CDC14B: variants seen among roughly 807,000 people sequenced by gnomAD.
The protein encoded by CDC14B is cell division cycle 14B, also known as dual specificity protein phosphatase CDC14B.
A neutral mutation model predicts 64.2 loss-of-function variants in CDC14B; 22 were observed. The observed-to-expected ratio is 0.34, with a 90% CI of 0.24 to 0.49. CDC14B has a LOEUF of 0.49. Ranked by LOEUF, CDC14B falls within the 20% of genes least tolerant of loss-of-function variation. The pLI, the probability that CDC14B is intolerant of heterozygous loss-of-function variation, is 0.99. For synonymous variants in CDC14B, 191 were observed against 215.8 expected (o/e 0.89, Z 1.01); for missense variants, 498 against 629.9 (o/e 0.79, Z 2.24).
chr9:96,542,281 G>T lies in CDC14B; in HGVS notation c.498-389C>A, dbSNP rs191989032. Among the ~76,000 whole-genome samples, 43 of 152,274 alleles carry T rather than the reference G, an allele frequency of 2.8e-4. No individual in the cohort carries two copies. The East Asian group carries it at 8.1e-3, about 29-fold the overall frequency. On this transcript the variant is annotated intron_variant, in intron 5 of 13. Coordinates refer to ENST00000375241, the MANE Select transcript of CDC14B (RefSeq NM_033331.4). ...AAATACCGTATGAAAATCTTACTGG[G>T]AAAGACTGCTTTTTGATCCTGTAAT...
chr9:96,524,153 G>T (rs189490671), intron 9 of CDC14B, among the ~76,000 whole-genome samples: 1 of 152,304 alleles, frequency 6.6e-6, no homozygotes, highest in Admixed American at 6.5e-5. Context: ...GGCCAAGCTG[G>T]TCTCAAACTC....
rs911428042 is a variant in CDC14B, at chr9:96,533,892, T to C, written c.946+35A>G. 3.8e-6 allele frequency: 5 copies of C among 1,317,604 alleles called. No homozygotes were observed. The African/African-American group carries it at 7.3e-5, about 19-fold the overall frequency. 81.6% of individuals were successfully genotyped at this position (1,317,604 alleles called of 1,614,324 possible). On this transcript the variant is annotated intron_variant, in intron 9 of 13. Coordinates refer to ENST00000375241, the MANE Select transcript of CDC14B (RefSeq NM_033331.4). ...TTTCTACATATTCATATACTCATAC[T>C]GTATACTATTCTTTAACCACCCCTA...
chr9:96,522,482 C>T, intron 12 of CDC14B, 24 bp downstream of exon 12: 1 of 1,509,282 alleles, frequency 6.6e-7, no homozygotes, highest in Non-Finnish European at 9.2e-7. Flanking sequence ...AAACATCAAC[C>T]ACAACAAAGG....
intron 1 of CDC14B, among the ~76,000 whole-genome samples, chr9:96,610,143 T>C (rs554759290): frequency 6.6e-6 from 1 of 152,240 alleles, no homozygotes; most frequent in Admixed American, 6.6e-5. Context: ...GTTTTTTGCT[T>C]ACTGCCCGTA....
At chr9:96,617,840 T>C (rs918735336) in intron 1 of CDC14B, among the ~76,000 whole-genome samples, 7 of 152,124 alleles carry the variant, frequency 4.6e-5, no homozygotes, top group African/African-American at 1.7e-4. Flanking sequence ...ACAGATCCTT[T>C]CAAGAGGTAT....
intron 12 of CDC14B, among the ~76,000 whole-genome samples, chr9:96,518,254 C>A (rs983618523): frequency 6.6e-6 from 1 of 152,146 alleles, no homozygotes; most frequent in East Asian, 1.9e-4. Flanking sequence ...CAGTGGCTCA[C>A]GCCTGTAATC....
At chr9:96,539,052 T>C (rs1439715911) in intron 7 of CDC14B, 26 bp downstream of exon 7, 1 of 1,518,314 alleles carries the variant, frequency 6.6e-7, no homozygotes, top group Non-Finnish European at 9.1e-7. Context: ...GAGGAAGAGT[T>C]GAAAACATGA....
chr9:96,534,437 T>C lies in CDC14B; in HGVS notation c.715+18A>G, dbSNP rs1301861427. 6.6e-7 allele frequency: 1 copy of C among 1,504,244 alleles called. No individual in the cohort carries two copies. The highest frequency in any genetic ancestry group is 9.3e-7 in the Non-Finnish European group (1 of 1,080,374). The allele number at this position is 1,504,244 out of a possible 1,614,324, so 93.2% of individuals were successfully genotyped here. On this transcript the variant is annotated intron_variant, in intron 8 of 13. Transcript: ENST00000375241. ...ATTTTCAATAACAAAATGAGATTAATGCCATAATTTCACATACCACTTTCA... is the reference window on the plus strand; with the variant it reads ...ATTTTCAATAACAAAATGAGATTAACGCCATAATTTCACATACCACTTTCA...
chr9:96,565,180 G>A (rs1051999600), intron 2 of CDC14B, among the ~76,000 whole-genome samples: 3 of 150,268 alleles, frequency 2.0e-5, no homozygotes, highest in African/African-American at 7.3e-5. Context: ...TCATTGTAGT[G>A]TAAATATTAG....
rs530501813 is a variant in CDC14B at position 96,551,665 on chromosome 9, A to C, written c.497+131T>G. 5 of 1,286,808 alleles carry C rather than the reference A, an allele frequency of 3.9e-6. No homozygotes were observed. The African/African-American group carries it at 7.5e-5, about 19-fold the overall frequency. 79.7% of individuals were successfully genotyped at this position (1,286,808 alleles called of 1,614,324 possible). A position where few individuals can be genotyped will look rare whatever the true frequency, so the allele number is the denominator to read the frequency against. ...CAACAGTGTCACTGTGGAAAAACCC[A>C]GATCTGTGGTGTTATTTGCGCTCAT... On this transcript the variant is annotated intron_variant, in intron 5 of 13. Coordinates refer to ENST00000375241, the MANE Select transcript of CDC14B (RefSeq NM_033331.4).
intron 11 of CDC14B, among the ~76,000 whole-genome samples, chr9:96,522,811 C>T (rs559289832): frequency 6.6e-6 from 1 of 151,116 alleles, no homozygotes; most frequent in South Asian, 2.1e-4. Context: ...TGTTAGAAAA[C>T]ACATCAACAG....
rs1218818738 is a variant in CDC14B at position 96,502,670 on chromosome 9, A to G, written c.*1083T>C. On this transcript the variant is annotated 3_prime_UTR_variant, in exon 14 of 14. Coordinates refer to ENST00000375241, the MANE Select transcript of CDC14B (RefSeq NM_033331.4). ...CATGGCACAGACTCTGCTGTGTTCC[A>G]GTAGGGCTGCGGGAGAAGGCACTCT... 2.6e-6 allele frequency: 1 copy of G among 383,482 alleles called. No individual in the cohort carries two copies. The highest frequency in any genetic ancestry group is 3.7e-5 in the East Asian group (1 of 27,178). The allele number at this position is 383,482 out of a possible 1,614,324, so 23.8% of individuals were successfully genotyped here. A position where few individuals can be genotyped will look rare whatever the true frequency, so the allele number is the denominator to read the frequency against.
At chr9:96,586,353 A>T (rs556366128) in intron 1 of CDC14B, among the ~76,000 whole-genome samples, 1 of 152,360 alleles carries the variant, frequency 6.6e-6, no homozygotes, top group South Asian at 2.1e-4. Flanking sequence ...ACCAGAAAAG[A>T]TAAATGTGGT....
At chr9:96,608,035 T>C (rs1400993336) in intron 1 of CDC14B, among the ~76,000 whole-genome samples, 2 of 152,232 alleles carry the variant, frequency 1.3e-5, no homozygotes, top group African/African-American at 2.4e-5. Context: ...TGACTCTCTA[T>C]GAGTTTTACA....
chr9:96,556,401 T>A lies in CDC14B; in HGVS notation c.421-4529A>T, dbSNP rs1842512077. ...AGAATGCTCACAAATCAATGCAAGTTGAAGATAGGCTTACACATTCAACTG... is the reference window on the plus strand; with the variant it reads ...AGAATGCTCACAAATCAATGCAAGTAGAAGATAGGCTTACACATTCAACTG... On this transcript the variant is annotated intron_variant, in intron 4 of 13. Coordinates refer to ENST00000375241, the MANE Select transcript of CDC14B (RefSeq NM_033331.4). Among the ~76,000 whole-genome samples the A allele has an allele frequency of 3.9e-5, 6 of 152,114 alleles. No individual in the cohort carries two copies. In the South Asian group the frequency reaches 1.2e-3, roughly 32 times the overall value.
At position 96,503,037 on chromosome 9, in the gene CDC14B, T is replaced by C. The variant is rs1324002841; in HGVS notation, c.*716A>G. 5.1e-6 allele frequency: 2 copies of C among 395,052 alleles called. No homozygotes were observed. The highest frequency in any genetic ancestry group is 8.9e-6 in the Non-Finnish European group (2 of 224,146). The allele number at this position is 395,052 out of a possible 1,614,324, so 24.5% of individuals were successfully genotyped here. On this transcript the variant is annotated 3_prime_UTR_variant, in exon 14 of 14. Coordinates refer to ENST00000375241, the MANE Select transcript of CDC14B (RefSeq NM_033331.4). Reference sequence around the variant, plus strand: ...ACAGAAAAAGGAACGACTTGCAACATCTTCCAACTCTGAAGTCAGTTTCTC... The same window carrying C: ...ACAGAAAAAGGAACGACTTGCAACACCTTCCAACTCTGAAGTCAGTTTCTC...
At chr9:96,517,683 G>T (rs1470226594) in intron 12 of CDC14B, among the ~76,000 whole-genome samples, 1 of 130,974 alleles carries the variant, frequency 7.6e-6, no homozygotes, top group Non-Finnish European at 1.6e-5. Flanking sequence ...AAGAAAGAAA[G>T]AAACAGGGGT....
intron 1 of CDC14B, among the ~76,000 whole-genome samples, chr9:96,587,493 A>G (rs1845517623): frequency 6.6e-6 from 1 of 152,216 alleles, no homozygotes; most frequent in Admixed American, 6.5e-5. Context: ...TGATCCCAGC[A>G]CCAGGCATCA....
chr9:96,572,527 TGA>T (rs141083361), intron 1 of CDC14B, among the ~76,000 whole-genome samples: 7,219 of 152,214 alleles, frequency 0.047, 579 homozygotes, highest in African/African-American at 0.16. Flanking sequence ...AAAAACAGTT[TGA>T]GTTTTTCCCT....
Sources: allele counts gnomAD v4.1 joint callset (sites outside exome capture counted in the v4.1 genomes callset), GRCh38; gene constraint gnomAD v4.1.1; transcripts MANE v1.5; gene names NCBI Gene and HGNC (gene_info 2026-07-23, HGNC 2026-07-21).